The following ITPR2 variants were observed in gnomAD, a reference collection of about 807,000 sequenced individuals.
ITPR2 encodes inositol 1,4,5-trisphosphate-gated calcium channel ITPR2.
ITPR2 carries 207 observed loss-of-function variants against 317.1 expected under a neutral mutation model. The ratio of observed to expected loss-of-function variants is 0.65; its 90% CI spans 0.58 to 0.73. The LOEUF is 0.73. Among genes scored for constraint, ITPR2 ranks in the 30% least tolerant of loss-of-function variants. The pLI, the probability that ITPR2 is intolerant of heterozygous loss-of-function variation, is 0.00. For missense variants in ITPR2, 2,613 were observed against 3,284.0 expected (o/e 0.80, Z 4.99); for synonymous variants, 1,156 against 1,149.1 (o/e 1.01, Z -0.12).
At chr12:26,758,258 G>T (rs1431662660) in intron 2 of ITPR2, among the ~76,000 whole-genome samples, 2 of 152,048 alleles carry the variant, frequency 1.3e-5, no homozygotes, top group Non-Finnish European at 2.9e-5. Flanking sequence ...AATATACATT[G>T]ATGTCTCCTT....
chr12:26,797,258 G>A (rs1447627896), intron 1 of ITPR2, among the ~76,000 whole-genome samples: 1 of 152,070 alleles, frequency 6.6e-6, no homozygotes, highest in East Asian at 1.9e-4. Flanking sequence ...GAATACACAT[G>A]GGGTATAAAA....
chr12:26,812,528 G>A (rs1463623349), intron 1 of ITPR2, among the ~76,000 whole-genome samples: 1 of 152,132 alleles, frequency 6.6e-6, no homozygotes, highest in African/African-American at 2.4e-5. Flanking sequence ...GCAGTGAGCT[G>A]AGATTGCACC....
chr12:26,512,821 ATTTT>A (rs371730693), intron 37 of ITPR2, among the ~76,000 whole-genome samples: 1 of 135,398 alleles, frequency 7.4e-6, no homozygotes, highest in Non-Finnish European at 1.6e-5. Context: ...AAGGGAAACA[ATTTT>A]TTTTTTTTTT....
At chr12:26,797,011 C>T (rs1467163623) in intron 1 of ITPR2, among the ~76,000 whole-genome samples, 1 of 151,872 alleles carries the variant, frequency 6.6e-6, no homozygotes, top group South Asian at 2.1e-4. Context: ...CCCTCTAGTC[C>T]GGGCGACAGA....
intron 37 of ITPR2, among the ~76,000 whole-genome samples, chr12:26,506,574 G>A (rs944147001): frequency 6.6e-5 from 10 of 150,736 alleles, no homozygotes; most frequent in Non-Finnish European, 1.2e-4. Flanking sequence ...ACCTATGGTC[G>A]GCTGAAAGAA....
At chr12:26,556,192 GT>G in intron 36 of ITPR2, 40 bp downstream of exon 36, 1 of 1,601,712 alleles carries the variant, frequency 6.2e-7, no homozygotes, top group South Asian at 1.1e-5. Flanking sequence ...GGCCATGTCA[GT>G]TTGACGACAC....
chr12:26,388,060 G>C (rs1939716043), intron 54 of ITPR2, among the ~76,000 whole-genome samples: 2 of 152,196 alleles, frequency 1.3e-5, no homozygotes, highest in Admixed American at 1.3e-4. Context: ...CTTGGAATCA[G>C]TGAAAGGAAC....
At chr12:26,719,462 C>A (rs1269878068) in intron 5 of ITPR2, among the ~76,000 whole-genome samples, 1 of 152,164 alleles carries the variant, frequency 6.6e-6, no homozygotes, top group African/African-American at 2.4e-5. Flanking sequence ...AAGATTCAAG[C>A]TGAGATTTCG....
At chr12:26,481,103 T>G in intron 43 of ITPR2, 28 bp downstream of exon 43, 1 of 1,342,294 alleles carries the variant, frequency 7.4e-7, no homozygotes, top group Non-Finnish European at 1.1e-6. Flanking sequence ...CTGTAGCTTT[T>G]CTGGCCTGAA....
chr12:26,487,799 A>G (rs889093520), intron 39 of ITPR2, among the ~76,000 whole-genome samples: 2 of 152,206 alleles, frequency 1.3e-5, no homozygotes, highest in African/African-American at 4.8e-5. Flanking sequence ...AAATTACAGC[A>G]CATTTAATTT....
chr12:26,740,769 A>C (rs1306140326), intron 2 of ITPR2, among the ~76,000 whole-genome samples: 7 of 152,228 alleles, frequency 4.6e-5, no homozygotes, highest in Non-Finnish European at 8.8e-5. Flanking sequence ...AGGGGAAAAA[A>C]GTCTAATTTA....
intron 2 of ITPR2, among the ~76,000 whole-genome samples, chr12:26,786,407 C>T (rs1400479156): frequency 3.1e-5 from 4 of 127,784 alleles, no homozygotes; most frequent in African/African-American, 9.7e-5. Flanking sequence ...TCCTATGACC[C>T]TGCCAAATCC....
chr12:26,792,969 G>T (rs576153341), intron 1 of ITPR2, among the ~76,000 whole-genome samples: 55 of 152,194 alleles, frequency 3.6e-4, no homozygotes, highest in Non-Finnish European at 7.1e-4. Context: ...GCAGAGTACA[G>T]AGGACTATTA....
intron 37 of ITPR2, among the ~76,000 whole-genome samples, chr12:26,496,836 T>C (rs1875581): frequency 0.8 from 120,509 of 150,918 alleles, 48,773 homozygotes; most frequent in Non-Finnish European, 0.87. Flanking sequence ...CCCAGCTACT[T>C]GGGAGGCTGA....
At chr12:26,775,869 C>A (rs937379116) in intron 2 of ITPR2, among the ~76,000 whole-genome samples, 2 of 139,130 alleles carry the variant, frequency 1.4e-5, no homozygotes, top group Non-Finnish European at 3.3e-5. Context: ...CCTCAGCTTG[C>A]TGATGGCCTA....
chr12:26,762,866 A>G (rs1949661428), intron 2 of ITPR2, among the ~76,000 whole-genome samples: 1 of 152,190 alleles, frequency 6.6e-6, no homozygotes, highest in South Asian at 2.1e-4. Flanking sequence ...CAACAAAATT[A>G]GAAGCGATGT....
intron 37 of ITPR2, among the ~76,000 whole-genome samples, chr12:26,513,454 T>C (rs1478507572): frequency 6.6e-6 from 1 of 152,150 alleles, no homozygotes; most frequent in Admixed American, 6.5e-5. Flanking sequence ...TTAAATAATA[T>C]AGGCCAGTTT....
intron 31 of ITPR2, 81 bp from the exon 32 acceptor site, chr12:26,595,671 A>G: frequency 8.6e-7 from 1 of 1,162,676 alleles, no homozygotes; most frequent in Non-Finnish European, 1.2e-6. Context: ...GGTTAACATA[A>G]AATCTGTTAG....
Position 26,565,843 on chromosome 12 carries a change from A to AGAGGAGAGGAGAGGAGAGGGGAGGG in ITPR2, c.4631-3916_4631-3892dup, listed in dbSNP as rs1555157103. Among the ~76,000 whole-genome samples, 539 of 78,444 alleles carry AGAGGAGAGGAGAGGAGAGGGGAGGG rather than the reference A, an allele frequency of 6.9e-3. 141 individuals are homozygous for AGAGGAGAGGAGAGGAGAGGGGAGGG. Among genetic ancestry groups the AGAGGAGAGGAGAGGAGAGGGGAGGG allele is most frequent in the Non-Finnish European group, 0.011 (396 of 36,090 alleles). The allele number at this position is 78,444 out of a possible 152,430, so 51.5% of individuals were successfully genotyped here. A position where few individuals can be genotyped will look rare whatever the true frequency, so the allele number is the denominator to read the frequency against. ...AAAAGAAGAGAGGAGAGGAGAGTAG[A>AGAGGAGAGGAGAGGAGAGGGGAGGG]GAGGAGAGGAGAGGAGAGGGGAGGG... On this transcript the variant is annotated intron_variant, in intron 34 of 56. Transcript: ENST00000381340.
Sources: gnomAD v4.1 joint callset for allele counts (sites outside exome capture counted in the v4.1 genomes callset) on GRCh38, gnomAD v4.1.1 for gene constraint, MANE v1.5 for transcripts, NCBI Gene and HGNC (gene_info 2026-07-23, HGNC 2026-07-21) for gene names.